Variants in BMPR2 observed in about 807,000 individuals in gnomAD.
BMPR2 encodes bone morphogenetic protein receptor type 2.
In BMPR2, 29 loss-of-function variants were observed where a neutral mutation model predicts 100.8. That is an observed-to-expected ratio of 0.29 (90% CI 0.21 to 0.39). The LOEUF (loss-of-function observed/expected upper bound fraction) is 0.39. BMPR2 is among the 10% of genes least tolerant of loss of function. BMPR2 has a pLI of 1.00. For missense variants in BMPR2, 1,011 were observed against 1,274.5 expected (o/e 0.79, Z 3.15); for synonymous variants, 382 against 442.3 (o/e 0.86, Z 1.71).
rs529963564 is a variant in BMPR2 at position 202,425,601 on chromosome 2, C to T, written c.77-39208C>T. On this transcript the variant is annotated intron_variant, in intron 1 of 12. Coordinates refer to ENST00000374580, the MANE Select transcript of BMPR2 (RefSeq NM_001204.7). The stretch of plus-strand genomic sequence containing the variant: ...ATTTAACAGATATAGAGGGGAAGCA[C>T]CTGGAAAGATGCTGTGGAGGAGTTG... Among the ~76,000 whole-genome samples the T allele has an allele frequency of 3.9e-5, 6 of 152,112 alleles. No homozygotes were observed. The South Asian group carries it at 8.3e-4, about 21-fold the overall frequency.
rs12472987 is a variant in BMPR2, at chr2:202,499,309, G to A, written c.419-14410G>A. Among the ~76,000 whole-genome samples, 58 of 152,188 alleles carry A rather than the reference G, an allele frequency of 3.8e-4. 1 individual carries two copies. Among genetic ancestry groups the A allele is most frequent in the Admixed American group, 9.1e-4 (14 of 15,304 alleles). The stretch of plus-strand genomic sequence containing the variant: ...CCCTGGCCTTTAATGAAAAGAATGC[G>A]GCTTTAGCTGCAGCCCGAGAGTTTG... On this transcript the variant is annotated intron_variant, in intron 3 of 12. Transcript: ENST00000374580.
intron 1 of BMPR2, among the ~76,000 whole-genome samples, chr2:202,409,137 GAGTT>G (rs1690959570): frequency 6.6e-6 from 1 of 152,198 alleles, no homozygotes; most frequent in East Asian, 1.9e-4. Flanking sequence ...TTGAGGCCAG[GAGTT>G]TGAGACCAGC....
chr2:202,548,313 G>T (rs1574503016), intron 10 of BMPR2, among the ~76,000 whole-genome samples: 1 of 152,024 alleles, frequency 6.6e-6, no homozygotes, highest in Non-Finnish European at 1.5e-5. Context: ...TCAGCCAGGT[G>T]CAATAGTGCA....
intron 1 of BMPR2, among the ~76,000 whole-genome samples, chr2:202,402,323 C>G (rs1240081944): frequency 6.6e-6 from 1 of 152,004 alleles, no homozygotes; most frequent in East Asian, 1.9e-4. Flanking sequence ...TCAAGACCAG[C>G]CTGACCAACA....
In BMPR2 at chr2:202,396,938, C is replaced by T. The variant is rs764582209; in HGVS notation, c.76+19388C>T. ...TCAGCCTCCCAAGTAGCTGGGATTA[C>T]AGTCATGCGCCACCACGCCTGGTTA... On this transcript the variant is annotated intron_variant, in intron 1 of 12. Transcript: ENST00000374580. Among the ~76,000 whole-genome samples, 5 of 152,178 alleles carry T rather than the reference C, an allele frequency of 3.3e-5. No homozygotes were observed. The East Asian group carries it at 7.7e-4, about 24-fold the overall frequency.
intron 6 of BMPR2, 67 bp from the exon 7 acceptor site, chr2:202,520,019 AT>A (rs1371398161): frequency 9.9e-7 from 1 of 1,006,118 alleles, no homozygotes; most frequent in Non-Finnish European, 1.5e-6. Context: ...AAGGATGCTA[AT>A]TTACTCTTCA....
At position 202,503,412 on chromosome 2, in the gene BMPR2, G is replaced by A. The variant is rs1040196583; in HGVS notation, c.419-10307G>A. Among the ~76,000 whole-genome samples the A allele has an allele frequency of 2.6e-5, 4 of 152,364 alleles. No homozygotes were observed. Among genetic ancestry groups the A allele is most frequent in the South Asian group, 2.1e-4 (1 of 4,834 alleles). On this transcript the variant is annotated intron_variant, in intron 3 of 12. Coordinates refer to ENST00000374580, the MANE Select transcript of BMPR2 (RefSeq NM_001204.7). This position sits in a 1 kb window ranked among gnomAD's most constrained non-coding sequence, Gnocchi z 4.0. ...AGGCGCAAGCAGGAACCGGGGCGGC[G>A]TGCCGCGCTTGCGGGCCAGCCGGAG...
At chr2:202,554,142 A>G (rs569682150) in intron 11 of BMPR2, among the ~76,000 whole-genome samples, 1 of 152,316 alleles carries the variant, frequency 6.6e-6, no homozygotes, top group South Asian at 2.1e-4. Context: ...GACACTGGCA[A>G]TTCTAATTAT....
At chr2:202,432,031 G>A (rs1213734153) in intron 1 of BMPR2, among the ~76,000 whole-genome samples, 1 of 150,438 alleles carries the variant, frequency 6.6e-6, no homozygotes, top group Non-Finnish European at 1.5e-5. Context: ...ATAGGTATGT[G>A]TGTGCATATG....
At chr2:202,534,210 C>CGTGT (rs371342632) in intron 9 of BMPR2, among the ~76,000 whole-genome samples, 1 of 144,794 alleles carries the variant, frequency 6.9e-6, no homozygotes, top group Admixed American at 6.9e-5. Flanking sequence ...ATATATGTAT[C>CGTGT]GTGTGTGTGT....
intron 1 of BMPR2, among the ~76,000 whole-genome samples, chr2:202,405,149 A>G (rs1574430634): frequency 6.6e-6 from 1 of 152,074 alleles, no homozygotes; most frequent in African/African-American, 2.4e-5. Context: ...CTCCATTTAC[A>G]ACATTGGTCA....
intron 1 of BMPR2, among the ~76,000 whole-genome samples, chr2:202,411,906 T>A (rs1262394424): frequency 1.3e-5 from 2 of 152,172 alleles, no homozygotes; most frequent in Non-Finnish European, 2.9e-5. Flanking sequence ...AAAGAAGTAT[T>A]ACAATTTGTG....
chr2:202,496,920 G>A (rs566818585), intron 3 of BMPR2, among the ~76,000 whole-genome samples: 9 of 152,376 alleles, frequency 5.9e-5, no homozygotes, highest in Non-Finnish European at 1.0e-4. Context: ...GGAGAGGCGC[G>A]AGCAGGAACC....
chr2:202,491,558 G>A (rs747185660), intron 3 of BMPR2, among the ~76,000 whole-genome samples: 2 of 151,938 alleles, frequency 1.3e-5, no homozygotes, highest in Non-Finnish European at 2.9e-5. Context: ...AGAGTAGCTG[G>A]GATTACAGGC....
chr2:202,492,844 A>G (rs539615755), intron 3 of BMPR2, among the ~76,000 whole-genome samples: 33 of 152,288 alleles, frequency 2.2e-4, no homozygotes, highest in South Asian at 4.1e-4. Flanking sequence ...TTTTTCTCCA[A>G]ATATCTATCT....
intron 1 of BMPR2, among the ~76,000 whole-genome samples, chr2:202,451,922 TTG>T (rs1691995592): frequency 6.6e-6 from 1 of 152,050 alleles, no homozygotes; most frequent in Admixed American, 6.5e-5. Context: ...GCTAAATTTT[TTG>T]TGTGTTTTTA....
In BMPR2 at chr2:202,424,628, G is replaced by C. The variant is rs545328092; in HGVS notation, c.77-40181G>C. ...GGAGCATTGCTTGAACCTGGGAGGT[G>C]GAGGTTGCAGTGAGCTGAGATCGCT... On this transcript the variant is annotated intron_variant, in intron 1 of 12. Coordinates refer to ENST00000374580, the MANE Select transcript of BMPR2 (RefSeq NM_001204.7). 2.3e-4 allele frequency among the ~76,000 whole-genome samples: 35 copies of C among 152,070 alleles called. No homozygotes were observed. The East Asian group carries it at 6.4e-3, about 28-fold the overall frequency.
intron 12 of BMPR2, among the ~76,000 whole-genome samples, chr2:202,557,502 CACACACACACACAA>C (rs1208173726): frequency 6.7e-6 from 1 of 150,260 alleles, no homozygotes; most frequent in Non-Finnish European, 1.5e-5. Flanking sequence ...CACACACACA[CACACACACACACAA>C]ATTAGCTGGG....
intron 3 of BMPR2, among the ~76,000 whole-genome samples, chr2:202,471,421 A>G (rs1692434897): frequency 6.6e-6 from 1 of 152,240 alleles, no homozygotes; most frequent in Non-Finnish European, 1.5e-5. Flanking sequence ...GTTAGTAATT[A>G]TAAAATGGGA....
Sources: allele counts gnomAD v4.1 joint callset (sites outside exome capture counted in the v4.1 genomes callset), GRCh38; gene constraint gnomAD v4.1.1; non-coding constraint Gnocchi (gnomAD v3.1); transcripts MANE v1.5; gene names NCBI Gene and HGNC (gene_info 2026-07-23, HGNC 2026-07-21).